PDZD2: variants seen among roughly 807,000 people sequenced by gnomAD.
PDZD2 encodes the protein PDZ domain-containing protein 2.
Under a neutral mutation model 220.7 loss-of-function variants are expected in PDZD2, and 90 were observed. The observed-to-expected ratio is 0.41, with a 90% confidence interval of 0.34 to 0.49. PDZD2 has a LOEUF of 0.49. Ranked by LOEUF, PDZD2 falls within the 20% of genes least tolerant of loss-of-function variation. The pLI, the probability that PDZD2 is intolerant of heterozygous loss-of-function variation, is 0.28. For missense variants in PDZD2, 3,174 were observed against 3,608.5 expected, an observed-to-expected ratio of 0.88 and a Z score of 3.08; for synonymous variants, 1,375 against 1,450.5, an observed-to-expected ratio of 0.95 and a Z score of 1.18.
At chr5:31,716,507 G>C (rs191976309) in intron 1 of PDZD2, among the ~76,000 whole-genome samples, 3 of 152,266 alleles carry the variant, frequency 2.0e-5, no homozygotes, top group Admixed American at 2.0e-4. Flanking sequence ...GTTTAGAATT[G>C]GCAGTTTGTT....
intron 2 of PDZD2, among the ~76,000 whole-genome samples, chr5:31,845,373 T>C (rs1244391456): frequency 2.6e-5 from 4 of 152,186 alleles, no homozygotes; most frequent in Non-Finnish European, 4.4e-5. Context: ...TTCCACTACG[T>C]CTCCACACTG....
intron 14 of PDZD2, among the ~76,000 whole-genome samples, chr5:32,068,937 A>C (rs1400195005): frequency 6.6e-6 from 1 of 152,118 alleles, no homozygotes; most frequent in African/African-American, 2.4e-5. Context: ...CTACTCTTGC[A>C]CTACTCTTAC....
At chr5:31,716,082 G>A (rs1748428069) in intron 1 of PDZD2, among the ~76,000 whole-genome samples, 1 of 152,106 alleles carries the variant, frequency 6.6e-6, no homozygotes, top group African/African-American at 2.4e-5. Flanking sequence ...TGTGAATTTG[G>A]CCCATCTTCT....
At chr5:31,740,253 G>A (rs1251445614) in intron 1 of PDZD2, among the ~76,000 whole-genome samples, 1 of 152,084 alleles carries the variant, frequency 6.6e-6, no homozygotes, top group East Asian at 1.9e-4. Context: ...GGGTGCGGTG[G>A]CTCAAGCCTG....
intron 2 of PDZD2, chr5:31,848,069 A>G (rs1580881271): frequency 2.8e-6 from 1 of 353,440 alleles, no homozygotes; most frequent in East Asian, 6.5e-5. Context: ...GAACTATCCC[A>G]AAATGTCCCT....
chr5:32,033,043 A>T (rs1755245590), intron 6 of PDZD2, among the ~76,000 whole-genome samples: 1 of 152,238 alleles, frequency 6.6e-6, no homozygotes, highest in African/African-American at 2.4e-5. Flanking sequence ...ACTACACTTG[A>T]TGTTAGCCAA....
intron 2 of PDZD2, among the ~76,000 whole-genome samples, chr5:31,816,038 C>G (rs2150248589): frequency 6.6e-6 from 1 of 152,034 alleles, no homozygotes; most frequent in Non-Finnish European, 1.5e-5. Context: ...CCTGTAATCC[C>G]AACATTTTGG....
In PDZD2 at chr5:31,797,622, C is replaced by T. The variant is rs1004357696; in HGVS notation, c.-360-1267C>T. On this transcript the variant is annotated intron_variant, in intron 1 of 24. Transcript: ENST00000438447. ...TGCTGGGATTACAGGTGTGAGCCACCGCGCCCAGCCTTGCATTTCTTTTTA... is the reference window on the plus strand; with the variant it reads ...TGCTGGGATTACAGGTGTGAGCCACTGCGCCCAGCCTTGCATTTCTTTTTA... 8.5e-5 allele frequency among the ~76,000 whole-genome samples: 13 copies of T among 152,098 alleles called. No homozygotes were observed. The South Asian group carries it at 1.2e-3, about 15-fold the overall frequency.
intron 5 of PDZD2, among the ~76,000 whole-genome samples, chr5:32,001,984 T>C (rs1300465219): frequency 6.6e-6 from 1 of 152,228 alleles, no homozygotes; most frequent in Non-Finnish European, 1.5e-5. Flanking sequence ...AGCATGACGC[T>C]CTTGCTAATA....
At chr5:31,850,705 C>T (rs1047754816) in intron 2 of PDZD2, among the ~76,000 whole-genome samples, 4 of 147,262 alleles carry the variant, frequency 2.7e-5, no homozygotes, top group Admixed American at 2.1e-4. Flanking sequence ...GGCGCCATCT[C>T]GTCTCACTGC....
Position 31,754,436 on chromosome 5 carries a change from G to A in PDZD2, c.-360-44453G>A, listed in dbSNP as rs564714755. The A allele has an allele frequency of 2.6e-5, 4 of 152,222 alleles. No homozygotes were observed. The South Asian group carries it at 8.3e-4, about 32-fold the overall frequency. 9.4% of individuals were successfully genotyped at this position (152,222 alleles called of 1,614,324 possible). ...GTCTTTTTCCTCTCCTTCACCTTTG[G>A]GTCTCCCCACGGCTCATTAGGGATT... On this transcript the variant is annotated intron_variant, in intron 1 of 24. Coordinates refer to ENST00000438447, the MANE Select transcript of PDZD2 (RefSeq NM_178140.4).
intron 17 of PDZD2, 86 bp from the exon 18 acceptor site, chr5:32,073,746 T>C (rs1356935832): frequency 1.2e-6 from 1 of 829,724 alleles, no homozygotes; most frequent in Non-Finnish European, 2.0e-6. Flanking sequence ...TGGAAATGCT[T>C]ATGTGTAATG....
At chr5:32,065,347 A>C (rs1740120308) in intron 14 of PDZD2, among the ~76,000 whole-genome samples, 1 of 152,378 alleles carries the variant, frequency 6.6e-6, no homozygotes, top group East Asian at 1.9e-4. Context: ...TCATATGGGC[A>C]TACCTTGGTA....
chr5:31,829,616 CCA>C (rs1423832809), intron 2 of PDZD2, among the ~76,000 whole-genome samples: 2 of 152,056 alleles, frequency 1.3e-5, no homozygotes, highest in African/African-American at 4.8e-5. Context: ...CACACCCAGC[CCA>C]GCTTAGTGAA....
chr5:31,734,491 G>T (rs144459730), intron 1 of PDZD2, among the ~76,000 whole-genome samples: 2,089 of 152,144 alleles, frequency 0.014, 51 homozygotes, highest in African/African-American at 0.047. Flanking sequence ...AGCTAATTTT[G>T]TATTTTTAGT....
chr5:31,908,553 G>T, intron 2 of PDZD2: 1 of 993,148 alleles, frequency 1.0e-6, no homozygotes, highest in Admixed American at 1.9e-5. Flanking sequence ...GCACAGTAAT[G>T]GCTGGTGTTG....
chr5:31,904,724 G>T (rs1742472175), intron 2 of PDZD2, among the ~76,000 whole-genome samples: 3 of 152,034 alleles, frequency 2.0e-5, no homozygotes, highest in African/African-American at 7.2e-5. Flanking sequence ...GGGATTACAG[G>T]CATGAGCCAC....
At chr5:31,953,686 C>G (rs529703106) in intron 2 of PDZD2, among the ~76,000 whole-genome samples, 1 of 149,150 alleles carries the variant, frequency 6.7e-6, no homozygotes, top group Admixed American at 6.7e-5. Context: ...GAGACAGTCT[C>G]AATCTGTTGC....
intron 14 of PDZD2, among the ~76,000 whole-genome samples, chr5:32,061,692 C>A (rs944319760): frequency 1.2e-4 from 18 of 152,130 alleles, no homozygotes; most frequent in Admixed American, 2.6e-4. Context: ...GCAGGAGGAT[C>A]ACTTGAGCTC....
Sources: gnomAD v4.1 joint callset for allele counts (sites outside exome capture counted in the v4.1 genomes callset) on GRCh38, gnomAD v4.1.1 for gene constraint, MANE v1.5 for transcripts, NCBI Gene and HGNC (gene_info 2026-07-23, HGNC 2026-07-21) for gene names.